Variants in OTOGL observed in about 807,000 individuals in gnomAD.
OTOGL encodes the protein otogelin-like protein.
OTOGL carries 285 observed loss-of-function variants against 318.5 expected under a neutral mutation model. The observed-to-expected ratio is 0.89, with a 90% CI of 0.81 to 0.99. The LOEUF (loss-of-function observed/expected upper bound fraction) is 0.99. OTOGL is among the 50% of genes least tolerant of loss of function. The pLI, the probability that OTOGL is intolerant of heterozygous loss-of-function variation, is 0.00. For missense variants in OTOGL, 2,899 were observed against 2,845.6 expected, an observed-to-expected ratio of 1.02 and a Z score of -0.43; for synonymous variants, 987 against 936.5, an observed-to-expected ratio of 1.05 and a Z score of -0.99.
intron 24 of OTOGL, 128 bp from the exon 25 acceptor site, chr12:80,278,040 G>T (rs940442610): frequency 2.2e-5 from 15 of 675,884 alleles, no homozygotes; most frequent in Admixed American, 1.1e-4. Flanking sequence ...CTCCTCAGTA[G>T]GTTAGATAGA....
chr12:80,199,512 C>A (rs1343338642), intron 1 of OTOGL, among the ~76,000 whole-genome samples: 29 of 152,186 alleles, frequency 1.9e-4, no homozygotes, highest in Non-Finnish European at 5.9e-5. Flanking sequence ...ATTCATTGAG[C>A]TATTTCTTCT....
At chr12:80,287,370 T>C (rs1017965198) in intron 26 of OTOGL, among the ~76,000 whole-genome samples, 8 of 151,708 alleles carry the variant, frequency 5.3e-5, no homozygotes, top group Non-Finnish European at 5.9e-5. Context: ...GAATGTATAT[T>C]CTGTTGATTT....
chr12:80,170,561 G>C (rs888803553), intron 1 of OTOGL, among the ~76,000 whole-genome samples: 4 of 151,934 alleles, frequency 2.6e-5, no homozygotes, highest in Non-Finnish European at 4.4e-5. Flanking sequence ...AGCCTCCTGA[G>C]TATCTGAGAT....
At chr12:80,307,446 C>A (rs1184243521) in intron 29 of OTOGL, among the ~76,000 whole-genome samples, 2 of 147,908 alleles carry the variant, frequency 1.4e-5, no homozygotes, top group Admixed American at 6.7e-5. Context: ...GCTGACCCCC[C>A]CCACCTCCCT....
chr12:80,240,266 T>C (rs1260254857), intron 11 of OTOGL, among the ~76,000 whole-genome samples: 1 of 152,038 alleles, frequency 6.6e-6, no homozygotes, highest in African/African-American at 2.4e-5. Flanking sequence ...CTAGATTATA[T>C]ATGAATGGTA....
Position 80,243,667 on chromosome 12 carries a change from A to T in OTOGL, c.1052+4228A>T, listed in dbSNP as rs557112708. On this transcript the variant is annotated intron_variant, in intron 11 of 58. Coordinates refer to ENST00000547103, the MANE Select transcript of OTOGL (RefSeq NM_001378609.3). ...TGAGAAAATAATTGATATAATCATA[A>T]ACTGGAAAGGATAAAAAATATGCTA... Among the ~76,000 whole-genome samples, 349 of 151,582 alleles carry T rather than the reference A, an allele frequency of 2.3e-3. 4 individuals are homozygous for T. Among genetic ancestry groups the T allele is most frequent in the African/African-American group, 8.1e-3 (334 of 41,450 alleles).
chr12:80,173,273 A>T (rs1471963508), intron 1 of OTOGL, among the ~76,000 whole-genome samples: 2 of 152,062 alleles, frequency 1.3e-5, no homozygotes, highest in Non-Finnish European at 2.9e-5. Context: ...TGCTCTACTG[A>T]ATATACTTAT....
chr12:80,108,575 G>A (rs1021170738), intron 1 of OTOGL, among the ~76,000 whole-genome samples: 1 of 151,134 alleles, frequency 6.6e-6, no homozygotes, highest in Admixed American at 6.6e-5. Context: ...GAATGTGTCA[G>A]TATCCTGTAT....
Position 80,233,114 on chromosome 12 carries a change from A to C in OTOGL, c.817+17A>C, listed in dbSNP as rs561657045. ...TTCTGCAAGGTAAGTGAAGCAGAATAAATGTGTGGGTACCTTCTAAAGCCT... is the reference window on the plus strand; with the variant it reads ...TTCTGCAAGGTAAGTGAAGCAGAATCAATGTGTGGGTACCTTCTAAAGCCT... On this transcript the variant is annotated intron_variant, in intron 9 of 58. Transcript: ENST00000547103. The C allele has an allele frequency of 7.7e-6, 12 of 1,567,412 alleles. No homozygotes were observed. The highest frequency in any genetic ancestry group is 5.4e-5 in the African/African-American group (4 of 74,316).
At chr12:80,221,555 C>T (rs1030829401) in intron 6 of OTOGL, among the ~76,000 whole-genome samples, 2 of 152,092 alleles carry the variant, frequency 1.3e-5, no homozygotes, top group African/African-American at 4.8e-5. Flanking sequence ...AGGTACAAGC[C>T]ACCACACCAG....
intron 1 of OTOGL, among the ~76,000 whole-genome samples, chr12:80,169,867 A>T (rs1038421689): frequency 2.6e-5 from 4 of 152,234 alleles, no homozygotes; most frequent in Non-Finnish European, 5.9e-5. Flanking sequence ...ATTGCTGAGT[A>T]GTATTCCATT....
intron 1 of OTOGL, chr12:80,131,036 C>T (rs1014927318): frequency 6.6e-6 from 1 of 152,104 alleles, no homozygotes; most frequent in Non-Finnish European, 1.5e-5. Flanking sequence ...ATGGAATCCC[C>T]AGAAGGCTGG....
rs764341167 is a variant in OTOGL, at chr12:80,267,391, TTA to T, written c.2465+80_2465+81del. 1.6e-3 allele frequency: 1,121 copies of T among 687,214 alleles called. 4 individuals carry two copies. The highest frequency in any genetic ancestry group is 0.012 in the African/African-American group (581 of 50,160). The allele number at this position is 687,214 out of a possible 1,614,324, so 42.6% of individuals were successfully genotyped here. The stretch of plus-strand genomic sequence containing the variant: ...GTATGTTCTAATATAATTCTTTCTT[TTA>T]TATATATATATATATTTTTTTATTA... On this transcript the variant is annotated intron_variant, in intron 22 of 58. Transcript: ENST00000547103.
chr12:80,312,380 C>A (rs980067703), intron 30 of OTOGL, among the ~76,000 whole-genome samples: 16 of 152,128 alleles, frequency 1.1e-4, no homozygotes, highest in African/African-American at 3.9e-4. Context: ...TATTTCTTAG[C>A]ATATATAAAT....
At chr12:80,147,704 G>A (rs1205345215) in intron 1 of OTOGL, among the ~76,000 whole-genome samples, 2 of 152,090 alleles carry the variant, frequency 1.3e-5, no homozygotes, top group African/African-American at 4.8e-5. Flanking sequence ...CTCTTTGTAG[G>A]TCACTCAGGA....
At chr12:80,268,027 T>A (rs1210975390) in intron 22 of OTOGL, among the ~76,000 whole-genome samples, 1 of 152,028 alleles carries the variant, frequency 6.6e-6, no homozygotes, top group East Asian at 1.9e-4. Flanking sequence ...GTAGTAAGTG[T>A]GCCTCCTCCC....
At chr12:80,180,178 T>C (rs547185197) in intron 1 of OTOGL, among the ~76,000 whole-genome samples, 24 of 76,636 alleles carry the variant, frequency 3.1e-4, no homozygotes, top group African/African-American at 6.4e-4. Context: ...CCTAGATGAA[T>C]CTGCAGGTTG....
chr12:80,266,474 C>CTG lies in OTOGL; in HGVS notation c.2250_2251dup (p.Tyr751CysfsTer80), dbSNP rs767673615. ...AGCTGTGGTGTGCCAGAAGGGCATG[C>CTG]TGTACCATCACTGTTCCTCGTTCTG... On this transcript the variant is annotated frameshift_variant, in exon 21 of 59. Coordinates refer to ENST00000547103, the MANE Select transcript of OTOGL (RefSeq NM_001378609.3). LOFTEE classifies it high-confidence loss of function. 9.3e-6 allele frequency: 15 copies of CTG among 1,613,534 alleles called. No individual in the cohort carries two copies. Among genetic ancestry groups the CTG allele is most frequent in the Admixed American group, 1.7e-5 (1 of 59,878 alleles).
rs755248909 is a variant in OTOGL at position 80,339,155 on chromosome 12, A to G, written c.4941A>G (p.Val1647=). The change falls in exon 43 of 59, where the codon GTA becomes GTG. Residue 1647 remains valine (V), a synonymous_variant. Transcript: ENST00000547103. ...LSIEDSGSMY[V]ITTPAGLIIK... ...TAGAGGATTCTGGTTCAATGTATGT[A>G]ATTACTACTCCAGCTGGACTAATCA... is the stretch of plus-strand genomic sequence containing the variant. 2.2e-5 allele frequency: 36 copies of G among 1,610,916 alleles called. No individual in the cohort carries two copies. The highest frequency in any genetic ancestry group is 6.7e-5 in the East Asian group (3 of 44,838).
Sources: allele counts gnomAD v4.1 joint callset (sites outside exome capture counted in the v4.1 genomes callset), GRCh38; gene constraint gnomAD v4.1.1; transcripts MANE v1.5; gene names NCBI Gene and HGNC (gene_info 2026-07-23, HGNC 2026-07-21).